The following ANKS1B variants were observed in gnomAD, a reference collection of about 807,000 sequenced individuals.
ANKS1B encodes the protein ankyrin repeat and sterile alpha motif domain containing 1B.
Under a neutral mutation model 148.3 loss-of-function variants are expected in ANKS1B, and 36 were observed. The observed-to-expected ratio is 0.24, with a 90% CI of 0.19 to 0.32. The LOEUF (loss-of-function observed/expected upper bound fraction) is 0.32, where lower values mean the gene tolerates loss of function less well. ANKS1B is among the 10% of genes least tolerant of loss of function. The pLI is 1.00. For synonymous variants in ANKS1B, 542 were observed against 560.8 expected (o/e 0.97, Z 0.47); for missense variants, 1,157 against 1,542.6 (o/e 0.75, Z 4.19).
intron 17 of ANKS1B, among the ~76,000 whole-genome samples, chr12:99,046,157 A>C (rs1023727181): frequency 3.0e-4 from 45 of 152,154 alleles, no homozygotes; most frequent in African/African-American, 1.1e-3. Context: ...AGTATTGTCA[A>C]TAGACTAAAC....
chr12:98,926,453 C>G (rs941032212), intron 17 of ANKS1B, among the ~76,000 whole-genome samples: 3 of 152,038 alleles, frequency 2.0e-5, no homozygotes, highest in African/African-American at 7.2e-5. Flanking sequence ...ACACTATATT[C>G]CTTAAAATGT....
At chr12:99,654,889 A>G (rs1227569931) in intron 9 of ANKS1B, among the ~76,000 whole-genome samples, 178 bp downstream of exon 9, 1 of 152,226 alleles carries the variant, frequency 6.6e-6, no homozygotes, top group African/African-American at 2.4e-5. Flanking sequence ...GCATATGTAC[A>G]CATATGCACA....
chr12:99,950,785 G>A (rs1294921818), intron 1 of ANKS1B, among the ~76,000 whole-genome samples: 1 of 151,802 alleles, frequency 6.6e-6, no homozygotes, highest in African/African-American at 2.4e-5. Context: ...TGCTCTCAAG[G>A]CCTAGTGAAC....
intron 12 of ANKS1B, among the ~76,000 whole-genome samples, chr12:99,282,534 C>T (rs1566804274): frequency 3.3e-5 from 5 of 152,046 alleles, no homozygotes; most frequent in African/African-American, 7.2e-5. Context: ...TCGAAGCAGG[C>T]CAATTAAAAG....
chr12:99,885,336 A>G (rs1230937787), intron 1 of ANKS1B, among the ~76,000 whole-genome samples: 1 of 139,392 alleles, frequency 7.2e-6, no homozygotes, highest in African/African-American at 2.7e-5. Context: ...TTTGAGACAG[A>G]GTCACCCAGG....
chr12:99,101,764 G>A (rs541192598), intron 15 of ANKS1B, among the ~76,000 whole-genome samples: 78 of 152,168 alleles, frequency 5.1e-4, no homozygotes, highest in Non-Finnish European at 9.3e-4. Flanking sequence ...GTTTCACCAT[G>A]TTGTCCAGGC....
intron 17 of ANKS1B, among the ~76,000 whole-genome samples, chr12:98,928,691 G>A (rs111395251): frequency 3.3e-5 from 5 of 151,858 alleles, no homozygotes; most frequent in Admixed American, 6.6e-5. Flanking sequence ...CAAAAATTAC[G>A]TTATGAGCAC....
intron 3 of ANKS1B, among the ~76,000 whole-genome samples, chr12:99,809,546 C>A (rs2068073671): frequency 6.6e-6 from 1 of 151,878 alleles, no homozygotes; most frequent in Non-Finnish European, 1.5e-5. Flanking sequence ...CGGGTAGAGT[C>A]CACTTTGTTT....
chr12:99,246,671 C>G lies in ANKS1B; in HGVS notation c.1950G>C (p.Gln650His), dbSNP rs886927072. The G allele has an allele frequency of 2.5e-6, 4 of 1,613,724 alleles. No individual in the cohort carries two copies. The highest frequency in any genetic ancestry group is 1.7e-5 in the Admixed American group (1 of 59,940). The change falls in exon 13 of 27, where the codon CAG (glutamine) becomes CAC (histidine). Residue 650 changes from glutamine to histidine, a missense_variant. Physicochemically the swap from Gln to His is conservative, Grantham distance 24. Coordinates refer to ENST00000683438, the MANE Select transcript of ANKS1B (RefSeq NM_001352186.2). ...GTTCTGAGTTATTTTCTATTGGAGA[C>G]TGCTTGAAAGGCAAAGGACTGTTTG... ...SLANSPLPFK[Q>H]SPIENNSEPL...
intron 1 of ANKS1B, among the ~76,000 whole-genome samples, chr12:99,868,513 G>C (rs1052559057): frequency 1.2e-4 from 18 of 151,846 alleles, no homozygotes; most frequent in Admixed American, 1.2e-3. Flanking sequence ...AAGACATGAA[G>C]GACGACAAGA....
chr12:99,802,597 A>G (rs1378718114), intron 4 of ANKS1B, among the ~76,000 whole-genome samples: 1 of 152,208 alleles, frequency 6.6e-6, no homozygotes, highest in African/African-American at 2.4e-5. Context: ...TAGAGCAAAT[A>G]TTAACATCAA....
intron 12 of ANKS1B, among the ~76,000 whole-genome samples, chr12:99,301,732 C>T (rs1004906120): frequency 2.0e-5 from 3 of 151,900 alleles, no homozygotes; most frequent in Non-Finnish European, 4.4e-5. Flanking sequence ...AAATGAAAAA[C>T]ATAACCATAA....
chr12:98,953,548 T>G (rs1443426156), intron 17 of ANKS1B, among the ~76,000 whole-genome samples: 2 of 138,346 alleles, frequency 1.4e-5, no homozygotes, highest in Admixed American at 7.1e-5. Context: ...TTTTTTTTTT[T>G]TTTTTTTTTT....
chr12:99,393,700 C>A (rs944647435), intron 12 of ANKS1B, among the ~76,000 whole-genome samples: 3 of 152,126 alleles, frequency 2.0e-5, no homozygotes, highest in Non-Finnish European at 2.9e-5. Flanking sequence ...GCATCCCATT[C>A]TTTGAATCCA....
chr12:98,807,976 A>T, intron 19 of ANKS1B, 58 bp from the exon 20 acceptor site: 7 of 1,333,316 alleles, frequency 5.3e-6, no homozygotes, highest in Non-Finnish European at 7.4e-6. Context: ...GCAGCTACCA[A>T]GGTAGCATCC....
intron 14 of ANKS1B, among the ~76,000 whole-genome samples, chr12:99,224,649 T>C (rs1170708994): frequency 6.6e-6 from 1 of 152,184 alleles, no homozygotes; most frequent in Non-Finnish European, 1.5e-5. Context: ...CATGAGCCAA[T>C]TAAACCTATT....
chr12:99,100,983 C>T (rs2057785243), intron 15 of ANKS1B, among the ~76,000 whole-genome samples: 1 of 152,186 alleles, frequency 6.6e-6, no homozygotes, highest in Admixed American at 6.5e-5. Context: ...AACCAGAATA[C>T]AGGCAATGCT....
At chr12:99,591,521 A>G (rs2097703010) in intron 9 of ANKS1B, among the ~76,000 whole-genome samples, 1 of 147,762 alleles carries the variant, frequency 6.8e-6, no homozygotes, top group Non-Finnish European at 1.5e-5. Context: ...AAAATTATTC[A>G]TTAATTCTAC....
chr12:98,975,865 T>C (rs1334868737), intron 17 of ANKS1B, among the ~76,000 whole-genome samples: 1 of 152,158 alleles, frequency 6.6e-6, no homozygotes, highest in Non-Finnish European at 1.5e-5. Context: ...GCAGGGAATG[T>C]AGGCAGGGGC....
Sources: allele counts gnomAD v4.1 joint callset (sites outside exome capture counted in the v4.1 genomes callset), GRCh38; gene constraint gnomAD v4.1.1; transcripts MANE v1.5; gene names NCBI Gene and HGNC (gene_info 2026-07-23, HGNC 2026-07-21).